Variants in KCNH5 observed in about 807,000 individuals in gnomAD.
KCNH5 encodes the protein voltage-gated delayed rectifier potassium channel KCNH5.
A neutral mutation model predicts 96.1 loss-of-function variants in KCNH5; 46 were observed. The ratio of observed to expected loss-of-function variants is 0.48; its 90% CI spans 0.38 to 0.61. The LOEUF (loss-of-function observed/expected upper bound fraction) is 0.61, where lower values mean the gene tolerates loss of function less well. Ranked by LOEUF, KCNH5 falls within the 20% of genes least tolerant of loss-of-function variation. KCNH5 has a pLI of 0.00. For synonymous variants in KCNH5, 439 were observed against 449.8 expected (o/e 0.98, Z 0.30); for missense variants, 907 against 1,225.8 (o/e 0.74, Z 3.88).
At chr14:62,936,674 CAAAAAA>C (rs3080873) in intron 7 of KCNH5, among the ~76,000 whole-genome samples, 45,019 of 119,590 alleles carry the variant, frequency 0.38, 7,712 homozygotes, top group South Asian at 0.56. Flanking sequence ...GACCCTGCCT[CAAAAAA>C]AAAAAAAAAA....
intron 10 of KCNH5, among the ~76,000 whole-genome samples, chr14:62,737,799 A>G (rs1885190374): frequency 6.6e-6 from 1 of 152,288 alleles, no homozygotes; most frequent in Non-Finnish European, 1.5e-5. Context: ...GAAATGCAAC[A>G]TTCATTATTA....
At chr14:62,891,227 A>G (rs972975270) in intron 7 of KCNH5, among the ~76,000 whole-genome samples, 5 of 152,222 alleles carry the variant, frequency 3.3e-5, no homozygotes, top group African/African-American at 9.7e-5. Context: ...ATTCAGCCAT[A>G]AAAAACAATG....
chr14:62,979,482 A>G (rs1890565998), intron 6 of KCNH5, among the ~76,000 whole-genome samples: 1 of 152,048 alleles, frequency 6.6e-6, no homozygotes, highest in Non-Finnish European at 1.5e-5. Context: ...TTTTATAGAA[A>G]AAGTCACTGA....
At chr14:62,724,597 G>A (rs1220957086) in intron 10 of KCNH5, among the ~76,000 whole-genome samples, 1 of 152,080 alleles carries the variant, frequency 6.6e-6, no homozygotes, top group Non-Finnish European at 1.5e-5. Context: ...TACATGAGCT[G>A]CTTTTGTTTG....
At position 62,732,555 on chromosome 14, in the gene KCNH5, T is replaced by G. The variant is rs10147799; in HGVS notation, c.2020-24100A>C. 1.3e-5 allele frequency among the ~76,000 whole-genome samples: 2 copies of G among 151,976 alleles called. 1 individual carries two copies. The highest frequency in any genetic ancestry group is 4.1e-4 in the South Asian group (2 of 4,822). On this transcript the variant is annotated intron_variant, in intron 10 of 10. Transcript: ENST00000322893. ...TTAAATTTGCAGCCACTTTAACTAA[T>G]ATCCTCTTCTCTATCCGAAATGATT...
chr14:62,882,484 T>A (rs1289426240), intron 7 of KCNH5, among the ~76,000 whole-genome samples: 1 of 152,216 alleles, frequency 6.6e-6, no homozygotes, highest in African/African-American at 2.4e-5. Context: ...ACCAGACTTA[T>A]GCTTATTGTA....
At chr14:62,814,782 C>CAAAAAA (rs71120235) in intron 8 of KCNH5, among the ~76,000 whole-genome samples, 5,300 of 33,690 alleles carry the variant, frequency 0.16, 1,450 homozygotes, top group East Asian at 0.2. Flanking sequence ...GACTCCATCT[C>CAAAAAA]AAAAAAAAAA....
intron 1 of KCNH5, among the ~76,000 whole-genome samples, chr14:63,033,166 C>T (rs908571686): frequency 2.6e-5 from 4 of 152,190 alleles, no homozygotes; most frequent in African/African-American, 9.7e-5. Context: ...TCCCCTCAAC[C>T]TTTACGGAAG....
At chr14:62,877,985 C>T (rs1888410745) in intron 7 of KCNH5, among the ~76,000 whole-genome samples, 2 of 151,710 alleles carry the variant, frequency 1.3e-5, no homozygotes, top group South Asian at 4.2e-4. Flanking sequence ...GAAAATGTGG[C>T]ACATATACAC....
rs189587008 is a variant in KCNH5 at position 62,858,646 on chromosome 14, G to A, written c.1370-8794C>T. 9.5e-3 allele frequency among the ~76,000 whole-genome samples: 1,447 copies of A among 152,290 alleles called. 9 individuals are homozygous for A. The highest frequency in any genetic ancestry group is 0.016 in the Non-Finnish European group (1,086 of 68,024). ...TGGAACCAAGACCTCTAGGTCAGCA[G>A]AATGTAATATCGCAGGAACAGGAAG... On this transcript the variant is annotated intron_variant, in intron 7 of 10. Transcript: ENST00000322893.
intron 6 of KCNH5, among the ~76,000 whole-genome samples, chr14:62,960,277 T>C (rs1161183372): frequency 1.3e-5 from 2 of 152,200 alleles, no homozygotes; most frequent in African/African-American, 2.4e-5. Flanking sequence ...CATTTCATTA[T>C]ATAATCTCAA....
At chr14:62,946,832 T>C (rs1889896815) in intron 7 of KCNH5, among the ~76,000 whole-genome samples, 1 of 152,136 alleles carries the variant, frequency 6.6e-6, no homozygotes, top group South Asian at 2.1e-4. Flanking sequence ...AAAGGTTACA[T>C]TTTACATAAT....
chr14:62,855,631 A>T (rs1256420620), intron 7 of KCNH5, among the ~76,000 whole-genome samples: 1 of 152,228 alleles, frequency 6.6e-6, no homozygotes, highest in Non-Finnish European at 1.5e-5. Flanking sequence ...CTGGAGGAAG[A>T]GGGTAGTGAG....
intron 7 of KCNH5, among the ~76,000 whole-genome samples, chr14:62,872,944 A>G (rs907886019): frequency 2.6e-5 from 4 of 152,236 alleles, no homozygotes; most frequent in Non-Finnish European, 4.4e-5. Context: ...AGGTCAGGAG[A>G]TCGAGACCAT....
intron 6 of KCNH5, among the ~76,000 whole-genome samples, chr14:62,953,320 C>T (rs1002195923): frequency 8.5e-5 from 13 of 152,108 alleles, no homozygotes; most frequent in Non-Finnish European, 1.8e-4. Context: ...CTCCATGCTT[C>T]TATTTCATGT....
chr14:63,006,809 C>T (rs1310988442), intron 2 of KCNH5, among the ~76,000 whole-genome samples: 1 of 152,168 alleles, frequency 6.6e-6, no homozygotes, highest in Non-Finnish European at 1.5e-5. Context: ...GATGCACCTT[C>T]ACAACCAGTC....
chr14:62,942,937 T>C (rs1254836221), intron 7 of KCNH5, among the ~76,000 whole-genome samples: 1 of 152,180 alleles, frequency 6.6e-6, no homozygotes, highest in Non-Finnish European at 1.5e-5. Context: ...TGTCTCAATT[T>C]ACCAAAGCAG....
At chr14:62,871,438 C>T (rs761226755) in intron 7 of KCNH5, among the ~76,000 whole-genome samples, 6 of 152,112 alleles carry the variant, frequency 3.9e-5, no homozygotes, top group Non-Finnish European at 8.8e-5. Flanking sequence ...TTGTATTAAG[C>T]TATATCGATT....
At chr14:62,758,229 A>G (rs1885668588) in intron 10 of KCNH5, among the ~76,000 whole-genome samples, 1 of 152,148 alleles carries the variant, frequency 6.6e-6, no homozygotes, top group Admixed American at 6.5e-5. Flanking sequence ...TAGTAATTTA[A>G]TTGTACATTT....
Sources: gnomAD v4.1 joint callset for allele counts (sites outside exome capture counted in the v4.1 genomes callset) on GRCh38, gnomAD v4.1.1 for gene constraint, MANE v1.5 for transcripts, NCBI Gene and HGNC (gene_info 2026-07-23, HGNC 2026-07-21) for gene names.